Variants in KAZN observed in about 807,000 individuals in gnomAD.
KAZN encodes kazrin.
In KAZN, 40 loss-of-function variants were observed where a neutral mutation model predicts 87.4. The ratio of observed to expected loss-of-function variants is 0.46; its 90% confidence interval spans 0.36 to 0.60. The LOEUF (loss-of-function observed/expected upper bound fraction) is 0.60, where lower values mean the gene tolerates loss of function less well. Ranked by LOEUF, KAZN falls within the 20% of genes least tolerant of loss-of-function variation. The probability of loss-of-function intolerance (pLI) is 0.00; values close to 1 mark genes in which losing one functional copy is unlikely to be tolerated. For synonymous variants in KAZN, 466 were observed against 458.3 expected (o/e 1.02, Z -0.22); for missense variants, 898 against 1,073.9 (o/e 0.84, Z 2.29).
At chr1:14,111,540 G>A (rs1054921925) in intron 1 of KAZN, among the ~76,000 whole-genome samples, 1 of 133,904 alleles carries the variant, frequency 7.5e-6, no homozygotes, top group Non-Finnish European at 1.6e-5. Context: ...GAAATGGTTC[G>A]TTTTTCTCAT....
chr1:14,358,054 G>A (rs1427578597), intron 2 of KAZN, among the ~76,000 whole-genome samples: 1 of 152,094 alleles, frequency 6.6e-6, no homozygotes, highest in Non-Finnish European at 1.5e-5. Context: ...ATCTGCTCCT[G>A]GGCTTTTTTT....
rs560693257 is a variant in KAZN at position 15,103,270 on chromosome 1, G to A, written c.1780-89G>A. 142 of 915,446 alleles carry A rather than the reference G, an allele frequency of 1.6e-4. 2 individuals are homozygous for A. The South Asian group carries it at 1.9e-3, about 13-fold the overall frequency. 56.7% of individuals were successfully genotyped at this position (915,446 alleles called of 1,614,324 possible). ...CAGCAGAGAGAGACTCTGTCTCGGGGGGAAAAAGAGATGCGGGGCACCCCC... is the reference window on the plus strand; with the variant it reads ...CAGCAGAGAGAGACTCTGTCTCGGGAGGAAAAAGAGATGCGGGGCACCCCC... On this transcript the variant is annotated intron_variant, in intron 11 of 14. Coordinates refer to ENST00000376030, the MANE Select transcript of KAZN (RefSeq NM_201628.3).
intron 2 of KAZN, among the ~76,000 whole-genome samples, chr1:14,188,527 G>A (rs186326632): frequency 2.7e-4 from 41 of 152,222 alleles, no homozygotes; most frequent in Non-Finnish European, 4.7e-4. Context: ...ACAAAAGAAG[G>A]CTAGGGTAAG....
intron 2 of KAZN, among the ~76,000 whole-genome samples, chr1:14,488,994 G>A (rs897629358): frequency 2.0e-5 from 3 of 152,150 alleles, no homozygotes; most frequent in Non-Finnish European, 2.9e-5. Context: ...TGTTTATGGC[G>A]ATTAACTTAA....
chr1:15,018,970 G>T (rs1346020869), intron 2 of KAZN, among the ~76,000 whole-genome samples: 2 of 152,244 alleles, frequency 1.3e-5, no homozygotes. Flanking sequence ...GAGGCCCTGA[G>T]AAGTTGCTGG....
intron 1 of KAZN, among the ~76,000 whole-genome samples, chr1:14,074,352 A>G (rs1316931607): frequency 6.6e-6 from 1 of 152,034 alleles, no homozygotes; most frequent in Non-Finnish European, 1.5e-5. Context: ...TCACCAACAT[A>G]CATGTGGATA....
chr1:14,096,197 T>G (rs1208494709), intron 1 of KAZN, among the ~76,000 whole-genome samples: 1 of 152,342 alleles, frequency 6.6e-6, no homozygotes, highest in Non-Finnish European at 1.5e-5. Context: ...TTACATAATT[T>G]TTTTAAAAGA....
chr1:14,797,304 G>A (rs988043408), intron 1 of KAZN, among the ~76,000 whole-genome samples: 5 of 151,892 alleles, frequency 3.3e-5, no homozygotes, highest in African/African-American at 4.8e-5. Flanking sequence ...CAGGTGATCC[G>A]CCTGCCTCTG....
chr1:14,004,846 T>C (rs1471126783), intron 1 of KAZN, among the ~76,000 whole-genome samples: 2 of 152,170 alleles, frequency 1.3e-5, no homozygotes, highest in African/African-American at 4.8e-5. Flanking sequence ...AATGGGTTAA[T>C]GAATTAATGG....
At chr1:14,157,558 C>T (rs1272639676) in intron 1 of KAZN, among the ~76,000 whole-genome samples, 1 of 152,186 alleles carries the variant, frequency 6.6e-6, no homozygotes, top group African/African-American at 2.4e-5. Flanking sequence ...CCACTCTCTC[C>T]TGGCCTGTAA....
rs1284897208 is a variant in KAZN, at chr1:14,098,866, T to TG, written c.92-81565dup. ...GTATGCCTTCTGCTTCCACCCTCCC[T>TG]GGGGAACAGATGGGGCCCATGTTGG... is the stretch of plus-strand genomic sequence containing the variant. On this transcript the variant is annotated intron_variant, in intron 1 of 16. Transcript: ENST00000636203. Among the ~76,000 whole-genome samples the TG allele has an allele frequency of 3.3e-5, 5 of 152,294 alleles. No individual in the cohort carries two copies. The South Asian group carries it at 8.3e-4, about 25-fold the overall frequency.
At chr1:14,890,923 A>G (rs2101160640) in intron 1 of KAZN, among the ~76,000 whole-genome samples, 1 of 143,130 alleles carries the variant, frequency 7.0e-6, no homozygotes, top group Non-Finnish European at 1.5e-5. Context: ...AGCTCACTGC[A>G]AGCTCTGCCT....
At chr1:14,718,151 G>A (rs1489928704) in intron 1 of KAZN, among the ~76,000 whole-genome samples, 1 of 152,198 alleles carries the variant, frequency 6.6e-6, no homozygotes, top group Non-Finnish European at 1.5e-5. Flanking sequence ...CATTTTCGAT[G>A]TGCTTCATGC....
chr1:14,075,327 C>G (rs537374596), intron 1 of KAZN, among the ~76,000 whole-genome samples: 1 of 152,286 alleles, frequency 6.6e-6, no homozygotes, highest in African/African-American at 2.4e-5. Flanking sequence ...TCTGCCACCC[C>G]TGGCAGAACT....
intron 7 of KAZN, among the ~76,000 whole-genome samples, chr1:15,064,505 C>G (rs927759430): frequency 6.6e-6 from 1 of 152,332 alleles, no homozygotes; most frequent in Middle Eastern, 3.4e-3. Flanking sequence ...CAGATACCAC[C>G]CAGATGCCGG....
At chr1:14,745,467 G>T (rs1242695481) in intron 1 of KAZN, among the ~76,000 whole-genome samples, 1 of 152,020 alleles carries the variant, frequency 6.6e-6, no homozygotes, top group Non-Finnish European at 1.5e-5. Flanking sequence ...GGGGGGAAGT[G>T]ATTGCTGCTC....
intron 8 of KAZN, among the ~76,000 whole-genome samples, chr1:15,073,297 G>A (rs552382023): frequency 6.6e-6 from 1 of 152,318 alleles, no homozygotes; most frequent in East Asian, 1.9e-4. Flanking sequence ...CGAACCAAAG[G>A]GTCTAAGGCC....
At chr1:15,043,222 G>C (rs76586978) in intron 3 of KAZN, among the ~76,000 whole-genome samples, 1,653 of 152,338 alleles carry the variant, frequency 0.011, 23 homozygotes, top group African/African-American at 0.037. Context: ...GACAATTGGG[G>C]TCGCTGGTGC....
intron 1 of KAZN, among the ~76,000 whole-genome samples, chr1:13,976,659 A>C (rs1638373317): frequency 6.6e-6 from 1 of 152,142 alleles, no homozygotes; most frequent in Admixed American, 6.6e-5. Flanking sequence ...TTATATCTAC[A>C]TGAATATAAA....
Sources: gnomAD v4.1 joint callset for allele counts (sites outside exome capture counted in the v4.1 genomes callset) on GRCh38, gnomAD v4.1.1 for gene constraint, MANE v1.5 for transcripts, NCBI Gene and HGNC (gene_info 2026-07-23, HGNC 2026-07-21) for gene names.